The following CLIC6 variants were observed in gnomAD, a reference collection of about 807,000 sequenced individuals.
The protein encoded by CLIC6 is chloride intracellular channel protein 6.
Under a neutral mutation model 49.2 loss-of-function variants are expected in CLIC6, and 39 were observed. The ratio of observed to expected loss-of-function variants is 0.79; its 90% CI spans 0.61 to 1.04. CLIC6 has a LOEUF of 1.04. Among genes scored for constraint, CLIC6 ranks in the 50% least tolerant of loss-of-function variants. CLIC6 has a pLI of 0.00. For synonymous variants in CLIC6, 446 were observed against 433.4 expected, an observed-to-expected ratio of 1.03 and a Z score of -0.36; for missense variants, 988 against 993.1, an observed-to-expected ratio of 0.99 and a Z score of 0.07.
Position 34,689,760 on chromosome 21 carries a change from C to T in CLIC6, c.1375-17520C>T, listed in dbSNP as rs568313929. Among the ~76,000 whole-genome samples the T allele has an allele frequency of 1.8e-4, 28 of 152,148 alleles. 1 individual carries two copies. Among genetic ancestry groups the T allele is most frequent in the African/African-American group, 5.3e-4 (22 of 41,504 alleles). ...AGGCTGGGGCCTTCTCTGGGGACTG[C>T]GGCTGCTGAAGATTTTTCTTTTCAA... is the stretch of plus-strand genomic sequence containing the variant. On this transcript the variant is annotated intron_variant, in intron 1 of 5. Transcript: ENST00000349499.
intron 5 of CLIC6, among the ~76,000 whole-genome samples, chr21:34,714,708 A>C (rs1022180179): frequency 1.4e-5 from 2 of 143,314 alleles, no homozygotes; most frequent in African/African-American, 6.0e-5. Context: ...AAAAAAAAAA[A>C]AACTTGATAA....
intron 1 of CLIC6, among the ~76,000 whole-genome samples, chr21:34,685,759 T>A (rs1989865413): frequency 6.6e-6 from 1 of 152,258 alleles, no homozygotes; most frequent in South Asian, 2.1e-4. Flanking sequence ...TATATTATAA[T>A]GCTTTGAATC....
intron 5 of CLIC6, among the ~76,000 whole-genome samples, chr21:34,712,277 A>G (rs2056061916): frequency 6.6e-6 from 1 of 152,226 alleles, no homozygotes; most frequent in African/African-American, 2.4e-5. Context: ...GAAGGGATTT[A>G]TAATTTATTC....
chr21:34,713,443 A>C (rs142391603), intron 5 of CLIC6, among the ~76,000 whole-genome samples: 2 of 152,236 alleles, frequency 1.3e-5, no homozygotes, highest in Non-Finnish European at 2.9e-5. Context: ...TGTTAGAAGC[A>C]GTAAGACACA....
chr21:34,716,723 C>T lies in CLIC6; in HGVS notation c.*241C>T, dbSNP rs1395328343. 1 of 317,966 alleles carries T rather than the reference C, an allele frequency of 3.1e-6. No homozygotes were observed. The highest frequency in any genetic ancestry group is 5.7e-6 in the Non-Finnish European group (1 of 174,160). The allele number at this position is 317,966 out of a possible 1,614,324, so 19.7% of individuals were successfully genotyped here. On this transcript the variant is annotated 3_prime_UTR_variant, in exon 6 of 6. Coordinates refer to ENST00000349499, the MANE Select transcript of CLIC6 (RefSeq NM_053277.3). ...ACACACCTATCTTGATATTTTAAAG[C>T]AATATCAGAGGGTGTAAAGAAGGAC...
chr21:34,684,288 G>A (rs1989835526), intron 1 of CLIC6, among the ~76,000 whole-genome samples: 1 of 152,180 alleles, frequency 6.6e-6, no homozygotes, highest in Non-Finnish European at 1.5e-5. Flanking sequence ...CAACTACTAT[G>A]CAACATGAGG....
intron 1 of CLIC6, among the ~76,000 whole-genome samples, chr21:34,704,892 C>T (rs538748785): frequency 3.3e-5 from 5 of 152,184 alleles, no homozygotes; most frequent in South Asian, 2.1e-4. Context: ...GCAGATGCCA[C>T]GGTGGAAAGA....
At position 34,669,840 on chromosome 21, in the gene CLIC6, G is replaced by A; in HGVS notation, c.452G>A (p.Ser151Asn). ...AEQRPEVPEG[S>N]ASGEAGDSVD... ...CAGAGGCCTGAGGTCCCGGAAGGTA[G>A]CGCGTCCGGGGAGGCGGGGGACAGC... The change falls in exon 1 of 6, where the codon AGC (serine) becomes AAC (asparagine). Residue 151 changes from serine (S) to asparagine (N), a missense_variant. Coordinates refer to ENST00000349499, the MANE Select transcript of CLIC6 (RefSeq NM_053277.3). The A allele has an allele frequency of 7.1e-7, 1 of 1,412,348 alleles. No homozygotes were observed. The allele number at this position is 1,412,348 out of a possible 1,614,324, so 87.5% of individuals were successfully genotyped here. A position where few individuals can be genotyped will look rare whatever the true frequency, so the allele number is the denominator to read the frequency against.
chr21:34,710,139 A>G (rs1022956081), intron 5 of CLIC6, among the ~76,000 whole-genome samples: 4 of 151,886 alleles, frequency 2.6e-5, no homozygotes, highest in Non-Finnish European at 4.4e-5. Flanking sequence ...TTAGCTGGGC[A>G]TGGTGGTGTG....
At chr21:34,686,700 C>A (rs769923536) in intron 1 of CLIC6, among the ~76,000 whole-genome samples, 6 of 152,184 alleles carry the variant, frequency 3.9e-5, no homozygotes, top group Non-Finnish European at 8.8e-5. Flanking sequence ...TGTGGGTGCT[C>A]CATTTGACAA....
At chr21:34,702,145 T>G (rs1000615614) in intron 1 of CLIC6, among the ~76,000 whole-genome samples, 2 of 152,104 alleles carry the variant, frequency 1.3e-5, no homozygotes, top group African/African-American at 4.8e-5. Context: ...TTTCCTGTGC[T>G]CTAGGAACAC....
At chr21:34,688,305 T>C (rs1018310542) in intron 1 of CLIC6, among the ~76,000 whole-genome samples, 1 of 152,206 alleles carries the variant, frequency 6.6e-6, no homozygotes, top group Non-Finnish European at 1.5e-5. Flanking sequence ...CGGAGCCTTA[T>C]TTCTGCTGCT....
intron 5 of CLIC6, among the ~76,000 whole-genome samples, chr21:34,713,870 A>G (rs1423660512): frequency 6.6e-6 from 1 of 152,186 alleles, no homozygotes; most frequent in Non-Finnish European, 1.5e-5. Flanking sequence ...GACAATAATA[A>G]TACTGTAATA....
chr21:34,711,508 G>A (rs982855215), intron 5 of CLIC6, among the ~76,000 whole-genome samples: 1 of 151,544 alleles, frequency 6.6e-6, no homozygotes, highest in Non-Finnish European at 1.5e-5. Flanking sequence ...AACAGAGCAA[G>A]ACTCTGTCAA....
chr21:34,702,396 A>G (rs889545993), intron 1 of CLIC6, among the ~76,000 whole-genome samples: 1 of 152,132 alleles, frequency 6.6e-6, no homozygotes. Context: ...GCGAGCAGCC[A>G]GGGCTCCCGC....
chr21:34,683,526 G>T (rs1435809821), intron 1 of CLIC6, among the ~76,000 whole-genome samples: 2 of 152,206 alleles, frequency 1.3e-5, no homozygotes, highest in Non-Finnish European at 2.9e-5. Context: ...TACGGAGTGG[G>T]AGGGTGATAT....
chr21:34,673,929 A>G (rs1156273935), intron 1 of CLIC6, among the ~76,000 whole-genome samples: 1 of 152,124 alleles, frequency 6.6e-6, no homozygotes, highest in African/African-American at 2.4e-5. Context: ...TTTTGTGAAC[A>G]TGCCTAGATG....
In CLIC6 at chr21:34,709,484, G is replaced by C; in HGVS notation, c.1845G>C (p.Gly615=). Residue 615 remains glycine, a synonymous_variant, in exon 5 of 6, where the codon GGG becomes GGC. Transcript: ENST00000349499. ...VTVSGRKFLD[G]DELTLADCNL... Reference sequence around the variant, plus strand: ...TTTCTGGAAGGAAGTTTCTGGATGGGGACGAGCTGACGCTGGCTGACTGCA... The same window carrying C: ...TTTCTGGAAGGAAGTTTCTGGATGGCGACGAGCTGACGCTGGCTGACTGCA... 6.2e-7 allele frequency: 1 copy of C among 1,613,998 alleles called. No individual in the cohort carries two copies. Among genetic ancestry groups the C allele is most frequent in the South Asian group, 1.1e-5 (1 of 91,064 alleles).
chr21:34,715,254 C>A (rs551410156), intron 5 of CLIC6, among the ~76,000 whole-genome samples: 3 of 152,302 alleles, frequency 2.0e-5, no homozygotes, highest in Non-Finnish European at 2.9e-5. Flanking sequence ...GAGATCCTAA[C>A]CCCCAGTAGC....
Sources: gnomAD v4.1 joint callset for allele counts (sites outside exome capture counted in the v4.1 genomes callset) on GRCh38, gnomAD v4.1.1 for gene constraint, MANE v1.5 for transcripts, NCBI Gene and HGNC (gene_info 2026-07-23, HGNC 2026-07-21) for gene names.